SYCP1: variants seen among roughly 807,000 people sequenced by gnomAD.
The protein encoded by SYCP1 is cancer/testis antigen 8.
A neutral mutation model predicts 153.1 loss-of-function variants in SYCP1; 64 were observed. That is an observed-to-expected ratio of 0.42 (90% CI 0.34 to 0.51). SYCP1 has a LOEUF of 0.51. Ranked by LOEUF, SYCP1 falls within the 20% of genes least tolerant of loss-of-function variation. SYCP1 has a pLI of 0.06. For synonymous variants in SYCP1, 384 were observed against 341.8 expected, an observed-to-expected ratio of 1.12 and a Z score of -1.36; for missense variants, 997 against 1,049.0, an observed-to-expected ratio of 0.95 and a Z score of 0.68.
At chr1:114,875,711 G>A (rs1665481170) in intron 9 of SYCP1, among the ~76,000 whole-genome samples, 1 of 152,154 alleles carries the variant, frequency 6.6e-6, no homozygotes, top group Non-Finnish European at 1.5e-5. Flanking sequence ...TGTAACTTTG[G>A]ATTCATGGGG....
chr1:114,877,504 TA>T (rs1665622493), intron 11 of SYCP1, among the ~76,000 whole-genome samples: 2 of 152,208 alleles, frequency 1.3e-5, no homozygotes, highest in African/African-American at 4.8e-5. Flanking sequence ...GATATCTACT[TA>T]ATAATTTAAA....
intron 28 of SYCP1, among the ~76,000 whole-genome samples, chr1:114,978,633 C>T (rs1672948661): frequency 6.6e-6 from 1 of 151,644 alleles, no homozygotes; most frequent in South Asian, 2.1e-4. Context: ...TAAGTTCCCA[C>T]AGAGGTTGCT....
intron 27 of SYCP1, among the ~76,000 whole-genome samples, chr1:114,949,202 A>C (rs1404455362): frequency 6.6e-6 from 1 of 152,194 alleles, no homozygotes; most frequent in Non-Finnish European, 1.5e-5. Context: ...GCTCTGACAT[A>C]CATTGCATGA....
At chr1:114,963,375 T>C (rs1055543428) in intron 27 of SYCP1, among the ~76,000 whole-genome samples, 2 of 152,178 alleles carry the variant, frequency 1.3e-5, no homozygotes, top group Admixed American at 1.3e-4. Context: ...TTTAAAAGTA[T>C]TTTTTCTTTT....
chr1:114,936,723 A>C (rs1345334356), intron 23 of SYCP1, among the ~76,000 whole-genome samples: 1 of 152,218 alleles, frequency 6.6e-6, no homozygotes, highest in Non-Finnish European at 1.5e-5. Context: ...TACAAAATCA[A>C]TGTGCAAAAA....
At chr1:114,989,526 A>T (rs1673773872) in intron 30 of SYCP1, among the ~76,000 whole-genome samples, 1 of 151,990 alleles carries the variant, frequency 6.6e-6, no homozygotes, top group Non-Finnish European at 1.5e-5. Context: ...TCATTACTTT[A>T]AATGTAAATA....
Position 114,994,896 on chromosome 1 carries a change from A to AATAAT in SYCP1, c.2809_2810insTAATA (p.Thr937IlefsTer9). The AATAAT allele has an allele frequency of 6.4e-7, 1 of 1,564,340 alleles. No homozygotes were observed. Among genetic ancestry groups the AATAAT allele is most frequent in the East Asian group, 2.3e-5 (1 of 43,820 alleles). On this transcript the variant is annotated frameshift_variant, in exon 32 of 32. Transcript: ENST00000369522. LOFTEE classifies it high-confidence loss of function. ...TTTGTACTCAGGCCCCTTCATCTCT[A>AATAAT]ACAACCCCTGGATCTACACTGAAGT...
At chr1:114,869,630 G>C (rs1664982065) in intron 8 of SYCP1, among the ~76,000 whole-genome samples, 1 of 152,142 alleles carries the variant, frequency 6.6e-6, no homozygotes, top group Non-Finnish European at 1.5e-5. Flanking sequence ...CCAATTGAGT[G>C]CCAAAATGAT....
intron 18 of SYCP1, among the ~76,000 whole-genome samples, chr1:114,911,929 A>G (rs1369248938): frequency 6.6e-6 from 1 of 152,058 alleles, no homozygotes; most frequent in East Asian, 1.9e-4. Flanking sequence ...GTGTCAAAAT[A>G]AAAAATTATT....
intron 23 of SYCP1, among the ~76,000 whole-genome samples, chr1:114,940,578 ATGT>A (rs1168868756): frequency 2.6e-5 from 4 of 152,126 alleles, no homozygotes; most frequent in African/African-American, 9.7e-5. Flanking sequence ...TTAAGGGGAC[ATGT>A]TGTGTTTTTG....
intron 16 of SYCP1, among the ~76,000 whole-genome samples, chr1:114,908,133 A>G (rs1440298863): frequency 6.8e-6 from 1 of 147,284 alleles, no homozygotes; most frequent in Non-Finnish European, 1.5e-5. Context: ...AAATTTTCTT[A>G]GTTTTTCTTT....
intron 15 of SYCP1, among the ~76,000 whole-genome samples, chr1:114,891,969 C>T (rs899393298): frequency 3.3e-5 from 5 of 152,098 alleles, no homozygotes; most frequent in South Asian, 2.1e-4. Context: ...TGATGCAATG[C>T]GGTGGCTGCA....
intron 29 of SYCP1, among the ~76,000 whole-genome samples, chr1:114,984,509 C>G (rs561880921): frequency 6.6e-6 from 1 of 152,076 alleles, no homozygotes; most frequent in African/African-American, 2.4e-5. Flanking sequence ...CAGAGAAAGT[C>G]TACCATTGTA....
chr1:114,940,123 G>A (rs1354857859), intron 23 of SYCP1, among the ~76,000 whole-genome samples: 1 of 152,024 alleles, frequency 6.6e-6, no homozygotes, highest in African/African-American at 2.4e-5. Flanking sequence ...TTGAGATGGA[G>A]TCTGCCTCTG....
Position 114,994,953 on chromosome 1 carries a change from T to C in SYCP1, c.2865T>C (p.Arg955=). The C allele has an allele frequency of 2.5e-6, 4 of 1,609,048 alleles. No individual in the cohort carries two copies. Among genetic ancestry groups the C allele is most frequent in the Non-Finnish European group, 8.5e-7 (1 of 1,177,170 alleles). Residue 955 remains arginine, a synonymous_variant, in exon 32 of 32, where the codon CGT becomes CGC. Transcript: ENST00000369522. ...CTATAAGAAAAATGCGGGAGGACCG[T>C]TGGGCTGTAATTGCTAAAATGGATA... The part of the protein sequence containing the change: ...FGAIRKMRED[R]WAVIAKMDRK...
chr1:114,904,018 A>C (rs1667649038), intron 16 of SYCP1, among the ~76,000 whole-genome samples: 1 of 152,172 alleles, frequency 6.6e-6, no homozygotes, highest in South Asian at 2.1e-4. Context: ...AGAATTGAGT[A>C]ATGTGATTCC....
chr1:114,936,883 A>G (rs192503510), intron 23 of SYCP1, among the ~76,000 whole-genome samples: 12 of 152,324 alleles, frequency 7.9e-5, no homozygotes, highest in South Asian at 2.1e-4. Context: ...CCACTGCTCA[A>G]CAAAATAAAA....
chr1:114,881,500 T>TATCCTTCC (rs1167314683), intron 12 of SYCP1, among the ~76,000 whole-genome samples: 1 of 66,868 alleles, frequency 1.5e-5, no homozygotes, highest in African/African-American at 4.4e-5. Context: ...TGGAAGGTAT[T>TATCCTTCC]ATCCTTCCTT....
At chr1:114,859,906 C>A (rs548664907) in intron 7 of SYCP1, 96 bp downstream of exon 7, 1 of 371,166 alleles carries the variant, frequency 2.7e-6, no homozygotes, top group South Asian at 5.1e-5. Context: ...ACTTTCTATA[C>A]GTTATATCAT....
Sources: allele counts gnomAD v4.1 joint callset (sites outside exome capture counted in the v4.1 genomes callset), GRCh38; gene constraint gnomAD v4.1.1; transcripts MANE v1.5; gene names NCBI Gene and HGNC (gene_info 2026-07-23, HGNC 2026-07-21).